Variants in WWP2 observed in about 807,000 individuals in gnomAD.
The protein encoded by WWP2 is WW domain containing E3 ubiquitin protein ligase 2, also known as NEDD4-like E3 ubiquitin-protein ligase WWP2.
A neutral mutation model predicts 121.0 loss-of-function variants in WWP2; 57 were observed. The observed-to-expected ratio is 0.47, with a 90% CI of 0.38 to 0.59. WWP2 has a LOEUF of 0.59. Ranked by LOEUF, WWP2 falls within the 20% of genes least tolerant of loss-of-function variation. The pLI, the probability that WWP2 is intolerant of heterozygous loss-of-function variation, is 0.00. For synonymous variants in WWP2, 449 were observed against 441.3 expected, an observed-to-expected ratio of 1.02 and a Z score of -0.22; for missense variants, 962 against 1,158.9, an observed-to-expected ratio of 0.83 and a Z score of 2.47.
At chr16:69,918,369 C>T (rs1247237792) in intron 10 of WWP2, among the ~76,000 whole-genome samples, 1 of 152,182 alleles carries the variant, frequency 6.6e-6, no homozygotes, top group East Asian at 1.9e-4. Context: ...TCCTTGGGCT[C>T]ATCTAGATCA....
chr16:69,853,014 G>A (rs1567380645), intron 6 of WWP2, among the ~76,000 whole-genome samples: 1 of 152,172 alleles, frequency 6.6e-6, no homozygotes, highest in Non-Finnish European at 1.5e-5. Context: ...GTTCACAAAG[G>A]GTCTTTTGTG....
At position 69,871,820 on chromosome 16, in the gene WWP2, G is replaced by A. The variant is rs764860976; in HGVS notation, c.592G>A (p.Gly198Ser). 7.8e-5 allele frequency: 126 copies of A among 1,613,956 alleles called. No homozygotes were observed. The highest frequency in any genetic ancestry group is 1.0e-4 in the Non-Finnish European group (118 of 1,180,028). Reference protein sequence around the residue: ...GGRSRTHRHSGASARTTPATG... With the variant: ...GGRSRTHRHSSASARTTPATG... The stretch of plus-strand genomic sequence containing the variant: ...AACCCCCAGGACGCACAGACATTCG[G>A]GTGCTTCAGCCAGAACAACCCCAGC... Residue 198 changes from glycine (G) to serine (S), a missense_variant, in exon 7 of 24, where the codon GGT becomes AGT. Gly to Ser is a moderately conservative substitution (Grantham distance 56). Transcript: ENST00000359154.
intron 4 of WWP2, among the ~76,000 whole-genome samples, chr16:69,814,202 C>T (rs1331202394): frequency 1.3e-5 from 2 of 152,096 alleles, no homozygotes; most frequent in Non-Finnish European, 2.9e-5. Context: ...GCTCTGTCGT[C>T]TAGGCTGCAG....
chr16:69,762,670 G>A (rs1414300124), intron 1 of WWP2, among the ~76,000 whole-genome samples: 1 of 152,152 alleles, frequency 6.6e-6, no homozygotes, highest in East Asian at 1.9e-4. Context: ...CCTCCCGGAA[G>A]GGGAGAGGAG....
At position 69,799,362 on chromosome 16, in the gene WWP2, C is replaced by G; in HGVS notation, c.340+67C>G. On this transcript the variant is annotated intron_variant, in intron 4 of 23. Coordinates refer to ENST00000359154, the MANE Select transcript of WWP2 (RefSeq NM_001270454.2). This position sits in a 1 kb window ranked among gnomAD's most constrained non-coding sequence, Gnocchi z 4.5. The stretch of plus-strand genomic sequence containing the variant: ...GGATGGGAGGACCTGGCAGATCAAC[C>G]TGGTATTGCAATTTCCCCCAGGACT... 6.4e-7 allele frequency: 1 copy of G among 1,569,566 alleles called. No individual in the cohort carries two copies. Among genetic ancestry groups the G allele is most frequent in the Middle Eastern group, 1.7e-4 (1 of 5,748 alleles).
At chr16:69,909,271 A>G in intron 9 of WWP2, 1 of 991,238 alleles carries the variant, frequency 1.0e-6, no homozygotes, top group Non-Finnish European at 1.2e-6. Flanking sequence ...TGCCAGGGAC[A>G]GAAAGTTCTT....
intron 7 of WWP2, among the ~76,000 whole-genome samples, chr16:69,880,995 TA>T (rs2057818134): frequency 1.3e-5 from 2 of 152,188 alleles, no homozygotes; most frequent in South Asian, 4.1e-4. Flanking sequence ...TTTTTTTGGC[TA>T]ACTGTGACTA....
chr16:69,825,631 GT>G (rs1261596251), intron 4 of WWP2, among the ~76,000 whole-genome samples: 16 of 141,012 alleles, frequency 1.1e-4, no homozygotes, highest in South Asian at 2.2e-4. Context: ...TTTTTTTTTG[GT>G]TTTTTTTTTT....
chr16:69,852,779 C>T (rs935917864), intron 6 of WWP2, among the ~76,000 whole-genome samples: 2 of 152,164 alleles, frequency 1.3e-5, no homozygotes, highest in Non-Finnish European at 2.9e-5. Context: ...TGCGGCTTGT[C>T]TTCTCATTCT....
chr16:69,858,593 G>A (rs1487883933), intron 6 of WWP2, among the ~76,000 whole-genome samples: 4 of 152,048 alleles, frequency 2.6e-5, no homozygotes, highest in Admixed American at 6.6e-5. Context: ...CACAGTCTCT[G>A]TGGCTTCATC....
rs528853348 is a variant in WWP2, at chr16:69,931,367, C to G, written c.1521+140C>G. The G allele has an allele frequency of 7.1e-5, 104 of 1,459,632 alleles. 3 individuals are homozygous for G. The South Asian group carries it at 1.2e-3, about 17-fold the overall frequency. The allele number at this position is 1,459,632 out of a possible 1,614,324, so 90.4% of individuals were successfully genotyped here. On this transcript the variant is annotated intron_variant, in intron 14 of 23. Transcript: ENST00000359154. ...ACTTGTCTAACCCGGAGCTGGCTGTCTCTAGGAAGCTAGTTTTCATTCCTA... is the reference window on the plus strand; with the variant it reads ...ACTTGTCTAACCCGGAGCTGGCTGTGTCTAGGAAGCTAGTTTTCATTCCTA...
In WWP2 at chr16:69,905,837, C is replaced by T. The variant is rs138986579; in HGVS notation, c.915-2924C>T. On this transcript the variant is annotated intron_variant, in intron 8 of 23. Coordinates refer to ENST00000359154, the MANE Select transcript of WWP2 (RefSeq NM_001270454.2). ...CCTTTCAGCAAAGCATGGTGAAACTCATGGGCTTGGGGGGCAGAGCTGAGT... is the reference window on the plus strand; with the variant it reads ...CCTTTCAGCAAAGCATGGTGAAACTTATGGGCTTGGGGGGCAGAGCTGAGT... Among the ~76,000 whole-genome samples the T allele has an allele frequency of 4.9e-4, 74 of 152,324 alleles. 2 individuals carry two copies. The highest frequency in any genetic ancestry group is 1.5e-3 in the African/African-American group (62 of 41,570).
chr16:69,846,734 A>G (rs1369937503), intron 6 of WWP2, among the ~76,000 whole-genome samples: 3 of 151,904 alleles, frequency 2.0e-5, no homozygotes, highest in African/African-American at 7.3e-5. Flanking sequence ...AAAAAAAAAA[A>G]AGAAAAAAGA....
At chr16:69,842,654 A>C (rs1441454639) in intron 6 of WWP2, among the ~76,000 whole-genome samples, 1 of 152,164 alleles carries the variant, frequency 6.6e-6, no homozygotes, top group Non-Finnish European at 1.5e-5. Flanking sequence ...TGTCCCTGCA[A>C]AGGACATGAT....
chr16:69,886,463 C>CCAAA (rs199721364), intron 7 of WWP2, among the ~76,000 whole-genome samples: 3,245 of 151,382 alleles, frequency 0.021, 94 homozygotes, highest in African/African-American at 0.067. Flanking sequence ...AAAAAAAAAA[C>CCAAA]CAAACAACTT....
At chr16:69,929,240 C>T (rs899471955) in intron 11 of WWP2, among the ~76,000 whole-genome samples, 8 of 152,060 alleles carry the variant, frequency 5.3e-5, no homozygotes, top group Admixed American at 2.0e-4. Context: ...ATGTCACCCC[C>T]GCCCCCCACC....
chr16:69,876,483 G>T (rs749055347), intron 7 of WWP2, among the ~76,000 whole-genome samples: 16 of 151,790 alleles, frequency 1.1e-4, no homozygotes, highest in Non-Finnish European at 2.1e-4. Context: ...TTGTGCCTCA[G>T]CCTCCAAAGT....
rs16959270 is a variant in WWP2 at position 69,849,590 on chromosome 16, A to G, written c.575+7470A>G. On this transcript the variant is annotated intron_variant, in intron 6 of 23. Coordinates refer to ENST00000359154, the MANE Select transcript of WWP2 (RefSeq NM_001270454.2). The stretch of plus-strand genomic sequence containing the variant: ...GCTTTCTTCTGAGCAGTTGGTAAAT[A>G]TGGAATAGGATTGAGACAGTGGTCA... Among the ~76,000 whole-genome samples, 1,028 of 152,228 alleles carry G rather than the reference A, an allele frequency of 6.8e-3. 35 individuals carry two copies. The highest frequency in any genetic ancestry group is 0.046 in the Admixed American group (702 of 15,292).
Position 69,929,615 on chromosome 16 carries a change from G to A in WWP2, c.1316+86G>A, listed in dbSNP as rs980739098. ...TGGGCAGGTGGCTTTGGACTGCATC[G>A]TCCCAGAGGGCTGATGTCAGGGACC... On this transcript the variant is annotated intron_variant, in intron 12 of 23. Transcript: ENST00000359154. 51 of 1,174,032 alleles carry A rather than the reference G, an allele frequency of 4.3e-5. 1 individual carries two copies. Among genetic ancestry groups the A allele is most frequent in the South Asian group, 3.7e-4 (28 of 75,736 alleles). 72.7% of individuals were successfully genotyped at this position (1,174,032 alleles called of 1,614,324 possible).
Sources: allele counts gnomAD v4.1 joint callset (sites outside exome capture counted in the v4.1 genomes callset), GRCh38; gene constraint gnomAD v4.1.1; non-coding constraint Gnocchi (gnomAD v3.1); transcripts MANE v1.5; gene names NCBI Gene and HGNC (gene_info 2026-07-23, HGNC 2026-07-21).